The following JAKMIP3 variants were observed in gnomAD, a reference collection of about 807,000 sequenced individuals.
JAKMIP3 encodes the protein Janus kinase and microtubule interacting protein 3, also known as janus kinase and microtubule-interacting protein 3.
Under a neutral mutation model 118.5 loss-of-function variants are expected in JAKMIP3, and 58 were observed. The ratio of observed to expected loss-of-function variants is 0.49; its 90% CI spans 0.40 to 0.61. The LOEUF (loss-of-function observed/expected upper bound fraction) is 0.61, where lower values mean the gene tolerates loss of function less well. Ranked by LOEUF, JAKMIP3 falls within the 20% of genes least tolerant of loss-of-function variation. The pLI, the probability that JAKMIP3 is intolerant of heterozygous loss-of-function variation, is 0.00. For missense variants in JAKMIP3, 950 were observed against 1,109.0 expected (o/e 0.86, Z 2.04); for synonymous variants, 486 against 451.2 (o/e 1.08, Z -0.98).
intron 1 of JAKMIP3, among the ~76,000 whole-genome samples, chr10:132,101,276 A>G (rs1290691180): frequency 1.3e-5 from 2 of 152,308 alleles, no homozygotes; most frequent in Admixed American, 6.5e-5. Context: ...GCTTGAGCCC[A>G]GGAAGTCGAG....
chr10:132,057,172 G>A (rs1240618539), intron 1 of JAKMIP3, among the ~76,000 whole-genome samples: 1 of 152,176 alleles, frequency 6.6e-6, no homozygotes, highest in African/African-American at 2.4e-5. Flanking sequence ...AGCCCCAGAG[G>A]CTGTGCTGGC....
chr10:132,168,019 G>A lies in JAKMIP3; in HGVS notation c.*89G>A, dbSNP rs538283691. 4.5e-5 allele frequency: 58 copies of A among 1,289,564 alleles called. No homozygotes were observed. The highest frequency in any genetic ancestry group is 4.1e-4 in the Admixed American group (18 of 43,570). The allele number at this position is 1,289,564 out of a possible 1,614,324, so 79.9% of individuals were successfully genotyped here. On this transcript the variant is annotated 3_prime_UTR_variant, in exon 23 of 24. Coordinates refer to ENST00000684848, the MANE Select transcript of JAKMIP3 (RefSeq NM_001323087.2). ...AAGCAGGGACAAAATGGGACGTCGC[G>A]TCTCCATCCTGAAGACCCAGGGAGA... is the stretch of plus-strand genomic sequence containing the variant.
intron 1 of JAKMIP3, among the ~76,000 whole-genome samples, chr10:132,059,592 C>T (rs372851751): frequency 1.3e-5 from 2 of 152,204 alleles, no homozygotes; most frequent in African/African-American, 4.8e-5. Context: ...GTGCCGAGGC[C>T]GACCCCTCAG....
At chr10:132,156,820 C>G (rs1470225599) in intron 19 of JAKMIP3, among the ~76,000 whole-genome samples, 1 of 152,118 alleles carries the variant, frequency 6.6e-6, no homozygotes, top group Non-Finnish European at 1.5e-5. Flanking sequence ...TTAAATCCAG[C>G]CCACCTTGAG....
At chr10:132,162,229 T>C (rs1371969867) in intron 19 of JAKMIP3, among the ~76,000 whole-genome samples, 1 of 152,206 alleles carries the variant, frequency 6.6e-6, no homozygotes, top group Non-Finnish European at 1.5e-5. Flanking sequence ...TCTCTGGACA[T>C]GGGTGTGGGA....
chr10:132,180,450 G>C (rs115213431), intron 23 of JAKMIP3, among the ~76,000 whole-genome samples: 1 of 107,098 alleles, frequency 9.3e-6, no homozygotes, highest in Non-Finnish European at 1.9e-5. Context: ...AGAAGATCAC[G>C]TTCCCTAGAA....
intron 13 of JAKMIP3, 98 bp downstream of exon 13, chr10:132,145,678 G>T: frequency 9.6e-7 from 1 of 1,046,646 alleles, no homozygotes; most frequent in Non-Finnish European, 1.4e-6. Flanking sequence ...CGAGGGCTGA[G>T]GCTTCTGAAT....
At chr10:132,038,901 C>T (rs371879820) in intron 1 of JAKMIP3, among the ~76,000 whole-genome samples, 2 of 151,646 alleles carry the variant, frequency 1.3e-5, no homozygotes, top group Admixed American at 1.3e-4. Context: ...TGTTAGGGTA[C>T]AAGAGCTGGG....
intron 19 of JAKMIP3, 24 bp from the exon 20 acceptor site, chr10:132,163,185 A>C: frequency 6.5e-7 from 1 of 1,544,500 alleles, no homozygotes. Flanking sequence ...GGCAAGGACT[A>C]AGGCGTCTCC....
intron 1 of JAKMIP3, among the ~76,000 whole-genome samples, chr10:132,096,423 C>G (rs1236191048): frequency 6.6e-6 from 1 of 152,158 alleles, no homozygotes; most frequent in Non-Finnish European, 1.5e-5. Flanking sequence ...TTGAAGATGG[C>G]CATGCCCTTG....
intron 1 of JAKMIP3, among the ~76,000 whole-genome samples, chr10:132,084,468 T>C (rs1362266122): frequency 2.0e-5 from 3 of 152,244 alleles, no homozygotes; most frequent in Non-Finnish European, 4.4e-5. Flanking sequence ...AGGTATACAA[T>C]CATATCATCA....
chr10:132,092,199 A>G (rs2043184918), intron 1 of JAKMIP3, among the ~76,000 whole-genome samples: 1 of 151,808 alleles, frequency 6.6e-6, no homozygotes, highest in Non-Finnish European at 1.5e-5. Flanking sequence ...TGCCCTTAAC[A>G]TTTTTTCCTT....
In JAKMIP3 at chr10:132,149,486, G is replaced by C. The variant is rs1475675338; in HGVS notation, c.1923G>C (p.Val641=). ...TGGACGGGAAGAGCCCCCTCCAGGTGTACTGCGAGGCCGAAGGTGTGACGG... is the reference window on the plus strand; with the variant it reads ...TGGACGGGAAGAGCCCCCTCCAGGTCTACTGCGAGGCCGAAGGTGTGACGG... ...PFVDGKSPLQ[V]YCEAEGVTDI... The change falls in exon 15 of 24, where the codon GTG becomes GTC. Residue 641 remains valine (V), a synonymous_variant. Transcript: ENST00000684848. 6.3e-7 allele frequency: 1 copy of C among 1,598,640 alleles called. No homozygotes were observed. Among genetic ancestry groups the C allele is most frequent in the East Asian group, 2.3e-5 (1 of 44,298 alleles).
chr10:132,090,411 A>G (rs892465804), intron 1 of JAKMIP3, among the ~76,000 whole-genome samples: 1 of 152,134 alleles, frequency 6.6e-6, no homozygotes, highest in Non-Finnish European at 1.5e-5. Flanking sequence ...CTATTCAGAG[A>G]TTCAACTTCT....
At chr10:132,116,527 G>A (rs553211989) in intron 2 of JAKMIP3, among the ~76,000 whole-genome samples, 4 of 141,204 alleles carry the variant, frequency 2.8e-5, no homozygotes, top group South Asian at 2.4e-4. Context: ...CATCATGGAC[G>A]CTCCCCCCGA....
chr10:132,116,085 C>T (rs2047600664), intron 2 of JAKMIP3, among the ~76,000 whole-genome samples: 1 of 152,226 alleles, frequency 6.6e-6, no homozygotes, highest in Non-Finnish European at 1.5e-5. Context: ...CCTTGCTGGG[C>T]TATTTTGCTT....
At chr10:132,150,690 G>A (rs752681297) in intron 16 of JAKMIP3, among the ~76,000 whole-genome samples, 5 of 147,776 alleles carry the variant, frequency 3.4e-5, no homozygotes, top group South Asian at 2.2e-4. Flanking sequence ...TCATTTATCC[G>A]TCCTCCATAA....
chr10:132,106,720 C>T (rs2379230), intron 2 of JAKMIP3, among the ~76,000 whole-genome samples: 33,914 of 152,050 alleles, frequency 0.22, 4,263 homozygotes, highest in African/African-American at 0.35. Context: ...TAATGCCCCC[C>T]GTCAAAAAAT....
chr10:132,106,440 T>A, intron 2 of JAKMIP3, among the ~76,000 whole-genome samples: 1 of 151,990 alleles, frequency 6.6e-6, no homozygotes, highest in Non-Finnish European at 1.5e-5. Flanking sequence ...ATTTACCATC[T>A]GGCCCCGCCC....
Sources: allele counts gnomAD v4.1 joint callset (sites outside exome capture counted in the v4.1 genomes callset), GRCh38; gene constraint gnomAD v4.1.1; transcripts MANE v1.5; gene names NCBI Gene and HGNC (gene_info 2026-07-23, HGNC 2026-07-21).